Variants in SLC29A3 observed in about 807,000 individuals in gnomAD.
SLC29A3 encodes the protein equilibrative nucleoside transporter 3.
SLC29A3 carries 18 observed loss-of-function variants against 25.4 expected under a neutral mutation model. The ratio of observed to expected loss-of-function variants is 0.71; its 90% confidence interval spans 0.49 to 1.05. The LOEUF (loss-of-function observed/expected upper bound fraction) is 1.05, where lower values mean the gene tolerates loss of function less well. SLC29A3 is among the 50% of genes least tolerant of loss of function. The pLI is 0.00. For synonymous variants in SLC29A3, 258 were observed against 267.1 expected (o/e 0.97, Z 0.33); for missense variants, 586 against 609.0 (o/e 0.96, Z 0.40).
At chr10:71,378,143 TA>T (rs2131861564) in intron 4 of SLC29A3, among the ~76,000 whole-genome samples, 1 of 151,488 alleles carries the variant, frequency 6.6e-6, no homozygotes, top group South Asian at 2.1e-4. Context: ...ATTACAAATA[TA>T]AAGTTAGGTA....
chr10:71,336,036 G>A (rs16928705), intron 2 of SLC29A3, among the ~76,000 whole-genome samples: 25,286 of 152,120 alleles, frequency 0.17, 2,658 homozygotes, highest in African/African-American at 0.28. Context: ...GTTTCTTGTG[G>A]CTGCCTTCAC....
chr10:71,351,243 C>G (rs1200124344), intron 3 of SLC29A3, among the ~76,000 whole-genome samples: 3 of 152,218 alleles, frequency 2.0e-5, no homozygotes, highest in Non-Finnish European at 4.4e-5. Flanking sequence ...GCAGCAGAAC[C>G]CACTGAGCGC....
intron 1 of SLC29A3, among the ~76,000 whole-genome samples, chr10:71,322,369 T>C (rs554640535): frequency 6.6e-6 from 1 of 152,242 alleles, no homozygotes; most frequent in Non-Finnish European, 1.5e-5. Flanking sequence ...GGGTCCTAAT[T>C]CTTTTTTATG....
At chr10:71,358,840 G>T (rs77315373) in intron 5 of SLC29A3, among the ~76,000 whole-genome samples, 1 of 152,238 alleles carries the variant, frequency 6.6e-6, no homozygotes, top group Non-Finnish European at 1.5e-5. Flanking sequence ...GCAGGCCAGA[G>T]TCCCTTCCAG....
chr10:71,354,030 A>T (rs1173365676), intron 4 of SLC29A3, among the ~76,000 whole-genome samples: 2 of 152,150 alleles, frequency 1.3e-5, no homozygotes, highest in Non-Finnish European at 2.9e-5. Context: ...CAAAATGTCT[A>T]GGCGGGGATT....
At chr10:71,327,888 C>T (rs940537268) in intron 2 of SLC29A3, among the ~76,000 whole-genome samples, 3 of 152,052 alleles carry the variant, frequency 2.0e-5, no homozygotes, top group Non-Finnish European at 2.9e-5. Flanking sequence ...AGGTCCTCCC[C>T]GGCTCTGGGG....
At chr10:71,374,665 A>G (rs1227714342) in intron 3 of SLC29A3, among the ~76,000 whole-genome samples, 1 of 152,142 alleles carries the variant, frequency 6.6e-6, no homozygotes, top group Non-Finnish European at 1.5e-5. Flanking sequence ...GGAGAAAGGC[A>G]GCTGGTGAAA....
intron 5 of SLC29A3, 137 bp from the exon 6 acceptor site, chr10:71,361,817 A>C: frequency 1.0e-6 from 1 of 979,596 alleles, no homozygotes; most frequent in Non-Finnish European, 1.5e-6. Context: ...ATCTCAGGGA[A>C]CGCTGGAGCT....
Position 71,362,754 on chromosome 10 carries a change from GC to G in SLC29A3, c.*148del. ...ACTCGGGCCTCATCCCTCCCAAGAT[GC>G]CAGTGAGCCACGTCCATGCCCATTC... On this transcript the variant is annotated 3_prime_UTR_variant, in exon 6 of 6. Transcript: ENST00000373189. The G allele has an allele frequency of 9.9e-7, 1 of 1,005,734 alleles. No individual in the cohort carries two copies. The highest frequency in any genetic ancestry group is 1.5e-6 in the Non-Finnish European group (1 of 658,984). 62.3% of individuals were successfully genotyped at this position (1,005,734 alleles called of 1,614,324 possible). A position where few individuals can be genotyped will look rare whatever the true frequency, so the allele number is the denominator to read the frequency against.
chr10:71,350,623 G>A (rs1846730091), intron 3 of SLC29A3, among the ~76,000 whole-genome samples: 1 of 152,174 alleles, frequency 6.6e-6, no homozygotes, highest in African/African-American at 2.4e-5. Context: ...TCATATGCAG[G>A]CATGGTGCTG....
At chr10:71,371,553 A>G (rs978840257) in intron 3 of SLC29A3, among the ~76,000 whole-genome samples, 3 of 152,208 alleles carry the variant, frequency 2.0e-5, no homozygotes, top group Non-Finnish European at 2.9e-5. Flanking sequence ...GCCAAGCTAC[A>G]GTGACCCGTC....
intron 2 of SLC29A3, among the ~76,000 whole-genome samples, chr10:71,323,756 G>C (rs760568425): frequency 1.3e-5 from 2 of 152,224 alleles, no homozygotes; most frequent in African/African-American, 2.4e-5. Context: ...CCATGGGAGA[G>C]ATTGCTGTGA....
chr10:71,367,190 G>T (rs1395870722), downstream of SLC29A3, among the ~76,000 whole-genome samples: 3 of 110,330 alleles, frequency 2.7e-5, no homozygotes, highest in African/African-American at 9.0e-5. Context: ...GGAGGCGGGG[G>T]GCCAGCCGTG....
chr10:71,348,654 T>TGA (rs915044363), intron 3 of SLC29A3, among the ~76,000 whole-genome samples: 3 of 152,184 alleles, frequency 2.0e-5, no homozygotes, highest in African/African-American at 7.2e-5. Flanking sequence ...GCCCCTGCTG[T>TGA]ACTCTTACGA....
At chr10:71,325,957 C>T (rs1357746379) in intron 2 of SLC29A3, among the ~76,000 whole-genome samples, 1 of 147,984 alleles carries the variant, frequency 6.8e-6, no homozygotes, top group Non-Finnish European at 1.5e-5. Flanking sequence ...TGCACTGTCA[C>T]CCAGGCTGGA....
At chr10:71,347,492 T>C (rs2131833250) in intron 3 of SLC29A3, among the ~76,000 whole-genome samples, 1 of 152,158 alleles carries the variant, frequency 6.6e-6, no homozygotes, top group East Asian at 1.9e-4. Flanking sequence ...CCTAAGACCC[T>C]AAGAGCACGA....
rs1041013536 is a variant in SLC29A3, at chr10:71,362,723, G to A, written c.*115G>A. 1 of 1,396,686 alleles carries A rather than the reference G, an allele frequency of 7.2e-7. No individual in the cohort carries two copies. Among genetic ancestry groups the A allele is most frequent in the African/African-American group, 1.4e-5 (1 of 71,056 alleles). 86.5% of individuals were successfully genotyped at this position (1,396,686 alleles called of 1,614,324 possible). ...AAGTTTCACTTGGGGACAGAGAGCA[G>A]AGCACACTCGGGCCTCATCCCTCCC... On this transcript the variant is annotated 3_prime_UTR_variant, in exon 6 of 6. Coordinates refer to ENST00000373189, the MANE Select transcript of SLC29A3 (RefSeq NM_018344.6).
intron 2 of SLC29A3, among the ~76,000 whole-genome samples, chr10:71,340,381 A>G (rs373395221): frequency 5.9e-5 from 9 of 152,106 alleles, no homozygotes; most frequent in African/African-American, 2.2e-4. Context: ...GCAAAGTTCA[A>G]CCTCCACCAT....
intron 4 of SLC29A3, among the ~76,000 whole-genome samples, chr10:71,355,525 G>A (rs1846879521): frequency 1.3e-5 from 2 of 152,210 alleles, no homozygotes; most frequent in South Asian, 4.1e-4. Flanking sequence ...AGTAGGTTCT[G>A]TGAGCTCATG....
Sources: gnomAD v4.1 joint callset for allele counts (sites outside exome capture counted in the v4.1 genomes callset) on GRCh38, gnomAD v4.1.1 for gene constraint, MANE v1.5 for transcripts, NCBI Gene and HGNC (gene_info 2026-07-23, HGNC 2026-07-21) for gene names.